Variants in UHRF1 observed in about 807,000 individuals in gnomAD.
UHRF1 encodes E3 ubiquitin-protein ligase UHRF1.
UHRF1 carries 9 observed loss-of-function variants against 96.5 expected under a neutral mutation model. The observed-to-expected ratio is 0.09, with a 90% CI of 0.06 to 0.16. UHRF1 has a LOEUF of 0.16. UHRF1 is among the 10% of genes least tolerant of loss of function. UHRF1 has a pLI of 1.00. For synonymous variants in UHRF1, 455 were observed against 469.9 expected (o/e 0.97, Z 0.41); for missense variants, 626 against 1,131.1 (o/e 0.55, Z 6.40).
intron 5 of UHRF1, among the ~76,000 whole-genome samples, chr19:4,939,806 C>T (rs1192347019): frequency 3.0e-4 from 45 of 152,246 alleles, no homozygotes; most frequent in African/African-American, 9.9e-4. Context: ...GGGCGGATCA[C>T]AAGGTCAGGA....
At position 4,954,463 on chromosome 19, in the gene UHRF1, G is replaced by T; in HGVS notation, c.1932G>T (p.Lys644Asn). ...GCTTCGCGTCCCCCAGGACGGGCAAGGGCAAGTGGAAGCGGAAGTCGGCAG... is the reference window on the plus strand; with the variant it reads ...GCTTCGCGTCCCCCAGGACGGGCAATGGCAAGTGGAAGCGGAAGTCGGCAG... ...EGGFASPRTG[K>N]GKWKRKSAGG... Residue 644 changes from lysine (K) to asparagine (N), a missense_variant, in exon 14 of 17, where the codon AAG (lysine) becomes AAT (asparagine). Physicochemically the swap from Lys to Asn is moderately conservative, Grantham distance 94. Around this residue, in one of 11 missense-constraint regions of UHRF1, gnomAD observed 90 missense variants for 94.7 expected, o/e 0.95. Coordinates refer to ENST00000650932, the MANE Select transcript of UHRF1 (RefSeq NM_001048201.3). The surrounding 1 kb of genome is among the most constrained non-coding windows in gnomAD (Gnocchi z 5.9). 9 of 1,610,540 alleles carry T rather than the reference G, an allele frequency of 5.6e-6. No homozygotes were observed. Among genetic ancestry groups the T allele is most frequent in the Non-Finnish European group, 7.6e-6 (9 of 1,177,282 alleles).
At chr19:4,918,783 C>T (rs990068822) in intron 2 of UHRF1, among the ~76,000 whole-genome samples, 2 of 147,048 alleles carry the variant, frequency 1.4e-5, no homozygotes, top group Non-Finnish European at 1.5e-5. Context: ...TACAGTGGCA[C>T]GATCTTAGCT....
chr19:4,931,918 GC>G (rs1246944535), intron 4 of UHRF1, among the ~76,000 whole-genome samples: 1 of 152,016 alleles, frequency 6.6e-6, no homozygotes, highest in African/African-American at 2.4e-5. Flanking sequence ...GCACCACTGC[GC>G]CCAGCTAATT....
chr19:4,907,172 C>T (rs1012822923), upstream of UHRF1, among the ~76,000 whole-genome samples: 3 of 152,170 alleles, frequency 2.0e-5, no homozygotes, highest in East Asian at 3.8e-4. Context: ...TACACTGGCT[C>T]GATCTTGGCT....
intron 2 of UHRF1, among the ~76,000 whole-genome samples, chr19:4,922,963 A>G (rs2032749336): frequency 1.3e-5 from 2 of 152,230 alleles, no homozygotes; most frequent in African/African-American, 2.4e-5. Context: ...AGGCCCAGCA[A>G]GGGTGGCACA....
At chr19:4,947,065 C>G in intron 10 of UHRF1, 40 bp from the exon 11 acceptor site, 1 of 1,415,084 alleles carries the variant, frequency 7.1e-7, no homozygotes. Flanking sequence ...TTTTTTTTTG[C>G]CTCTGCAGAG....
upstream of UHRF1, among the ~76,000 whole-genome samples, chr19:4,908,408 C>T (rs533612944): frequency 1.2e-4 from 18 of 152,196 alleles, no homozygotes; most frequent in Admixed American, 3.3e-4. Context: ...AAGGGAAAGA[C>T]CAAAGTCCTC....
At chr19:4,910,365 C>CCGGCAAGGAGG (rs2032214849) in intron 1 of UHRF1, 1 of 144,542 alleles carries the variant, frequency 6.9e-6, no homozygotes. Flanking sequence ...GGAGGGGGGG[C>CCGGCAAGGAGG]GTGGGCACCG....
intron 5 of UHRF1, among the ~76,000 whole-genome samples, chr19:4,939,799 C>T (rs556109640): frequency 6.9e-4 from 105 of 152,146 alleles, no homozygotes; most frequent in African/African-American, 1.1e-3. Context: ...CCGAGGTGGG[C>T]GGATCACAAG....
chr19:4,950,211 T>G (rs1187169524), intron 11 of UHRF1, among the ~76,000 whole-genome samples: 2 of 151,862 alleles, frequency 1.3e-5, no homozygotes, highest in Non-Finnish European at 2.9e-5. Context: ...GTGGCCTATT[T>G]TATAAATTAT....
Position 4,930,804 on chromosome 19 carries a change from G to C in UHRF1, c.497G>C (p.Arg166Pro), listed in dbSNP as rs772979724. ...VVRVTRKAPS[R>P]DEPCSSTSRP... The stretch of plus-strand genomic sequence containing the variant: ...AGGGTGACGCGGAAGGCCCCCTCCC[G>C]GGACGAGCCCTGCAGCTCCACGTCC... Residue 166 changes from arginine (R) to proline (P), a missense_variant, in exon 4 of 17, where the codon CGG (arginine) becomes CCG (proline). Transcript: ENST00000650932. This position sits in a 1 kb window ranked among gnomAD's most constrained non-coding sequence, Gnocchi z 4.4. The C allele has an allele frequency of 4.3e-6, 7 of 1,613,850 alleles. No individual in the cohort carries two copies. The Admixed American group carries it at 1.2e-4, about 27-fold the overall frequency.
At chr19:4,917,111 G>GTTTTTTTTTTTTTTTTTTT (rs59815341) in intron 2 of UHRF1, among the ~76,000 whole-genome samples, 1 of 77,190 alleles carries the variant, frequency 1.3e-5, no homozygotes, top group Non-Finnish European at 2.3e-5. Context: ...TTAAGTTTTC[G>GTTTTTTTTTTTTTTTTTTT]TTTTTTTTTT....
chr19:4,934,921 T>G (rs565368742), intron 5 of UHRF1, among the ~76,000 whole-genome samples: 2 of 152,296 alleles, frequency 1.3e-5, no homozygotes, highest in East Asian at 3.9e-4. Flanking sequence ...AATCTGAGAT[T>G]TTCTGAGAAA....
chr19:4,934,520 T>TC (rs2033160058), intron 5 of UHRF1, among the ~76,000 whole-genome samples: 1 of 152,124 alleles, frequency 6.6e-6, no homozygotes, highest in African/African-American at 2.4e-5. Context: ...ATCTGACAAC[T>TC]CGGGGGACCT....
chr19:4,956,946 G>A (rs1198094345), intron 16 of UHRF1, 133 bp downstream of exon 16: 2 of 698,336 alleles, frequency 2.9e-6, no homozygotes, highest in South Asian at 1.7e-5. Flanking sequence ...TTTTCTCGGG[G>A]CCCTGTTGAC....
At chr19:4,949,418 TAA>T (rs2033657529) in intron 11 of UHRF1, among the ~76,000 whole-genome samples, 1 of 151,806 alleles carries the variant, frequency 6.6e-6, no homozygotes, top group Non-Finnish European at 1.5e-5. Flanking sequence ...TCTGGCTAGG[TAA>T]AAATGTAAGA....
At chr19:4,909,869 G>T in intron 1 of UHRF1, 1 of 381,620 alleles carries the variant, frequency 2.6e-6, no homozygotes, top group Non-Finnish European at 4.6e-6. Flanking sequence ...CCGGAGCCCG[G>T]CGGGGGGTCG....
At position 4,930,659 on chromosome 19, in the gene UHRF1, T is replaced by C. The variant is rs1285344507; in HGVS notation, c.409-57T>C. On this transcript the variant is annotated intron_variant, in intron 3 of 16. Transcript: ENST00000650932. The surrounding 1 kb of genome is among the most constrained non-coding windows in gnomAD (Gnocchi z 4.4). ...TCCCAGTGTCCGAGAACCAAGGTGG[T>C]CTCCCGTCAGTTTTCCTCACCCCGT... The C allele has an allele frequency of 1.3e-6, 2 of 1,575,332 alleles. No homozygotes were observed. The highest frequency in any genetic ancestry group is 2.7e-5 in the African/African-American group (2 of 74,200).
intron 13 of UHRF1, among the ~76,000 whole-genome samples, chr19:4,953,468 T>C (rs1262495298): frequency 2.0e-5 from 3 of 152,146 alleles, no homozygotes; most frequent in Non-Finnish European, 2.9e-5. Context: ...TTTGGGGCCA[T>C]TATTTTTATT....
Sources: gnomAD v4.1 joint callset for allele counts (sites outside exome capture counted in the v4.1 genomes callset) on GRCh38, gnomAD v4.1.1 for gene constraint, gnomAD v4.1.1 regional missense constraint, Gnocchi (gnomAD v3.1) non-coding constraint, MANE v1.5 for transcripts, NCBI Gene and HGNC (gene_info 2026-07-23, HGNC 2026-07-21) for gene names.